SPMIP2: variants seen among roughly 807,000 people sequenced by gnomAD.
SPMIP2 encodes the protein protein SPMIP2.
chr4:158,956,614 T>C, the SPMIP2 span, among the ~76,000 whole-genome samples: 1 of 152,226 alleles, frequency 6.6e-6, no homozygotes, highest in Non-Finnish European at 1.5e-5. Context: ...CCCCGATCAA[T>C]AGGATGTGAG....
the SPMIP2 span, among the ~76,000 whole-genome samples, chr4:159,067,807 G>T: frequency 1.3e-5 from 2 of 151,772 alleles, no homozygotes; most frequent in African/African-American, 2.4e-5. Flanking sequence ...TCAAACAAAT[G>T]TACAAGAAAA....
At chr4:158,900,433 G>A in the SPMIP2 span, among the ~76,000 whole-genome samples, 1 of 152,138 alleles carries the variant, frequency 6.6e-6, no homozygotes, top group African/African-American at 2.4e-5. Context: ...ATTGACAGTG[G>A]GGTGTTAAAG....
the SPMIP2 span, among the ~76,000 whole-genome samples, chr4:158,922,306 C>A: frequency 6.6e-6 from 1 of 152,136 alleles, no homozygotes; most frequent in African/African-American, 2.4e-5. Context: ...ACATCCCAAC[C>A]CAGGATGCTC....
chr4:159,053,696 T>G, the SPMIP2 span, among the ~76,000 whole-genome samples: 3 of 152,162 alleles, frequency 2.0e-5, no homozygotes, highest in African/African-American at 7.2e-5. Flanking sequence ...ATGGGTGGTA[T>G]AAGGTTGGCA....
At chr4:158,979,962 T>C in the SPMIP2 span, among the ~76,000 whole-genome samples, 51,315 of 151,878 alleles carry the variant, frequency 0.34, 8,871 homozygotes, top group South Asian at 0.44. Flanking sequence ...TTTGAAATTC[T>C]TGCTGTCGGC....
At chr4:159,059,494 T>C in the SPMIP2 span, among the ~76,000 whole-genome samples, 4 of 152,354 alleles carry the variant, frequency 2.6e-5, no homozygotes, top group South Asian at 8.3e-4. Flanking sequence ...GGCCTCAGCC[T>C]CCCAAGTAAC....
At chr4:158,917,820 C>G in the SPMIP2 span, among the ~76,000 whole-genome samples, 2 of 146,340 alleles carry the variant, frequency 1.4e-5, no homozygotes, top group African/African-American at 5.1e-5. Flanking sequence ...CTCCCAGGTC[C>G]AAGCAATTTA....
chr4:159,042,211 ACCT>A, the SPMIP2 span, among the ~76,000 whole-genome samples: 3 of 152,152 alleles, frequency 2.0e-5, no homozygotes, highest in Admixed American at 6.5e-5. Context: ...TAAAAAATCA[ACCT>A]CCTTTCAAAT....
At chr4:158,934,683 T>C in the SPMIP2 span, among the ~76,000 whole-genome samples, 1 of 152,264 alleles carries the variant, frequency 6.6e-6, no homozygotes, top group Admixed American at 6.5e-5. Flanking sequence ...CTCTCCTTCT[T>C]GTGTTCCCTA....
the SPMIP2 span, among the ~76,000 whole-genome samples, chr4:158,952,055 G>A: frequency 6.6e-6 from 1 of 152,112 alleles, no homozygotes; most frequent in Non-Finnish European, 1.5e-5. Flanking sequence ...TGGGATTGCT[G>A]GTTGGTATTT....
At chr4:159,040,155 T>C in the SPMIP2 span, among the ~76,000 whole-genome samples, 1 of 152,016 alleles carries the variant, frequency 6.6e-6, no homozygotes, top group African/African-American at 2.4e-5. Context: ...TGTGTGTGTG[T>C]GTGTGTGTAT....
At chr4:158,967,056 A>G in the SPMIP2 span, among the ~76,000 whole-genome samples, 1 of 152,220 alleles carries the variant, frequency 6.6e-6, no homozygotes. Context: ...CAGAGGGTAC[A>G]CATCAGTGAT....
At chr4:159,075,459 A>G in the SPMIP2 span, among the ~76,000 whole-genome samples, 2 of 152,180 alleles carry the variant, frequency 1.3e-5, no homozygotes, top group Admixed American at 1.3e-4. Context: ...ATTGTATTGG[A>G]TCATTTTGTA....
chr4:159,017,756 C>T, the SPMIP2 span, among the ~76,000 whole-genome samples: 6 of 152,188 alleles, frequency 3.9e-5, no homozygotes, highest in South Asian at 1.0e-3. Context: ...AGGCCACCAA[C>T]ACCAGTGCAG....
chr4:159,066,856 T>C, the SPMIP2 span, among the ~76,000 whole-genome samples: 1 of 152,174 alleles, frequency 6.6e-6, no homozygotes, highest in Non-Finnish European at 1.5e-5. Context: ...TAGGCTCTGT[T>C]ATAGCTATTC....
chr4:158,909,859 G>A, the SPMIP2 span, among the ~76,000 whole-genome samples: 2,276 of 152,228 alleles, frequency 0.015, 21 homozygotes, highest in Non-Finnish European at 0.024. Context: ...TGGCTAACAC[G>A]GTGAAACCCT....
the SPMIP2 span, among the ~76,000 whole-genome samples, chr4:158,940,188 G>A: frequency 6.6e-6 from 1 of 152,112 alleles, no homozygotes; most frequent in Admixed American, 6.6e-5. Flanking sequence ...TCTTCTCCCT[G>A]TGTCTTTACA....
At chr4:158,928,181 T>C in the SPMIP2 span, among the ~76,000 whole-genome samples, 1 of 152,102 alleles carries the variant, frequency 6.6e-6, no homozygotes, top group Non-Finnish European at 1.5e-5. Flanking sequence ...CTGGTGGGGA[T>C]GTGGAGAACC....
the SPMIP2 span, among the ~76,000 whole-genome samples, chr4:159,051,051 G>A: frequency 6.6e-6 from 1 of 151,262 alleles, no homozygotes; most frequent in Non-Finnish European, 1.5e-5. Context: ...AGGTTGCAGT[G>A]AGCCAAGATC....
Sources: gnomAD v4.1 joint callset for allele counts (sites outside exome capture counted in the v4.1 genomes callset) on GRCh38, gnomAD v4.1.1 for gene constraint, MANE v1.5 for transcripts, NCBI Gene and HGNC (gene_info 2026-07-23, HGNC 2026-07-21) for gene names.